Variants in ACOXL observed in about 807,000 individuals in gnomAD.
ACOXL encodes the protein acyl-CoA oxidase like, also known as acyl-coenzyme A oxidase-like protein.
In ACOXL, 70 loss-of-function variants were observed where a neutral mutation model predicts 71.9. The observed-to-expected ratio is 0.97, with a 90% CI of 0.80 to 1.19. ACOXL has a LOEUF of 1.19. Ranked by LOEUF, ACOXL falls within the 50% of genes most tolerant of loss-of-function variation. The probability of loss-of-function intolerance (pLI) is 0.00; values close to 1 mark genes in which losing one functional copy is unlikely to be tolerated. For missense variants in ACOXL, 703 were observed against 736.3 expected (o/e 0.95, Z 0.52); for synonymous variants, 253 against 281.6 (o/e 0.90, Z 1.02).
chr2:110,734,637 A>T (rs762795696), intron 1 of ACOXL, among the ~76,000 whole-genome samples: 4 of 152,100 alleles, frequency 2.6e-5, no homozygotes, highest in Non-Finnish European at 4.4e-5. Context: ...CTGATTAGAC[A>T]CACATCCCCT....
chr2:110,764,017 GGCC>G (rs1421073564), intron 1 of ACOXL, among the ~76,000 whole-genome samples: 1 of 152,154 alleles, frequency 6.6e-6, no homozygotes, highest in Non-Finnish European at 1.5e-5. Flanking sequence ...CTGTTAGAAT[GGCC>G]AAAATCCAGA....
At chr2:110,954,785 G>A (rs2061438816) in intron 12 of ACOXL, among the ~76,000 whole-genome samples, 1 of 144,248 alleles carries the variant, frequency 6.9e-6, no homozygotes, top group Admixed American at 7.3e-5. Context: ...TCATTTCCTG[G>A]TTTCTGGGGT....
intron 16 of ACOXL, among the ~76,000 whole-genome samples, chr2:111,072,914 C>A (rs1471480240): frequency 6.6e-6 from 1 of 152,194 alleles, no homozygotes; most frequent in East Asian, 1.9e-4. Flanking sequence ...AGCATCCTAG[C>A]TGACACTCAG....
At chr2:110,761,436 G>T (rs1680390215) in intron 1 of ACOXL, among the ~76,000 whole-genome samples, 1 of 152,140 alleles carries the variant, frequency 6.6e-6, no homozygotes, top group South Asian at 2.1e-4. Context: ...AATACCTGAG[G>T]TTATGCTTTC....
chr2:110,902,286 G>A (rs770187438), intron 10 of ACOXL, among the ~76,000 whole-genome samples: 19 of 151,984 alleles, frequency 1.3e-4, no homozygotes, highest in Non-Finnish European at 2.5e-4. Flanking sequence ...CCTGGACAAC[G>A]TGATGAAACC....
At chr2:110,870,682 C>T (rs1290876507) in intron 10 of ACOXL, among the ~76,000 whole-genome samples, 1 of 152,154 alleles carries the variant, frequency 6.6e-6, no homozygotes, top group African/African-American at 2.4e-5. Flanking sequence ...TGGTCACCAC[C>T]CACCCCACAC....
At chr2:110,812,136 A>T (rs981649298) in intron 9 of ACOXL, among the ~76,000 whole-genome samples, 2 of 152,212 alleles carry the variant, frequency 1.3e-5, no homozygotes, top group African/African-American at 4.8e-5. Context: ...CCAAGGTTGT[A>T]AATAGGATGT....
rs373506375 is a variant in ACOXL at position 110,963,094 on chromosome 2, AG to A, written c.1060-24012del. On this transcript the variant is annotated intron_variant, in intron 12 of 17. Coordinates refer to ENST00000439055, the MANE Select transcript of ACOXL (RefSeq NM_001142807.4). ...TTAAATAAGGATTTCAGGAAGTAAA[AG>A]GAAAAAAAAATACTGGAGTGAGAAT... is the stretch of plus-strand genomic sequence containing the variant. 3.0e-4 allele frequency among the ~76,000 whole-genome samples: 45 copies of A among 152,314 alleles called. 1 individual carries two copies. In the East Asian group the frequency reaches 8.5e-3, roughly 29 times the overall value.
intron 10 of ACOXL, among the ~76,000 whole-genome samples, chr2:110,879,929 T>TAAGGTCC (rs1299112139): frequency 6.6e-6 from 1 of 151,712 alleles, no homozygotes; most frequent in African/African-American, 2.4e-5. Context: ...GTGGATCACC[T>TAAGGTCC]AAGGTCAGGA....
At chr2:111,111,351 C>T (rs574285064) in intron 17 of ACOXL, among the ~76,000 whole-genome samples, 7 of 152,260 alleles carry the variant, frequency 4.6e-5, no homozygotes, top group Admixed American at 2.6e-4. Flanking sequence ...CCACCCACCT[C>T]GGCCTCCCAA....
intron 14 of ACOXL, among the ~76,000 whole-genome samples, 155 bp downstream of exon 14, chr2:110,996,159 C>T (rs555078291): frequency 5.3e-5 from 8 of 152,276 alleles, no homozygotes; most frequent in South Asian, 2.1e-4. Flanking sequence ...TGCATGATAC[C>T]GTTGCTTGCT....
chr2:110,900,086 T>TACAC (rs60758688), intron 10 of ACOXL, among the ~76,000 whole-genome samples: 10,884 of 143,034 alleles, frequency 0.076, 419 homozygotes, highest in South Asian at 0.1. Flanking sequence ...CACACACACA[T>TACAC]ACACACACAC....
intron 16 of ACOXL, among the ~76,000 whole-genome samples, chr2:111,052,768 C>T (rs1230171420): frequency 6.6e-6 from 1 of 152,164 alleles, no homozygotes; most frequent in Non-Finnish European, 1.5e-5. Context: ...GCTCCACCTG[C>T]ACTCGCCTGT....
Position 110,841,506 on chromosome 2 carries a change from C to T in ACOXL, c.788+101C>T, listed in dbSNP as rs897953889. On this transcript the variant is annotated intron_variant, in intron 10 of 17. Coordinates refer to ENST00000439055, the MANE Select transcript of ACOXL (RefSeq NM_001142807.4). ...ATTTTGAGCTTTTTTTTGGTGGTTG[C>T]TTTCCTGTGATGTCCGTGTCGCAGA... The T allele has an allele frequency of 5.5e-6, 5 of 915,084 alleles. No homozygotes were observed. The African/African-American group carries it at 6.7e-5, about 12-fold the overall frequency. 56.7% of individuals were successfully genotyped at this position (915,084 alleles called of 1,614,324 possible). A position where few individuals can be genotyped will look rare whatever the true frequency, so the allele number is the denominator to read the frequency against.
chr2:110,872,264 T>C (rs1239664508), intron 10 of ACOXL, among the ~76,000 whole-genome samples: 1 of 152,152 alleles, frequency 6.6e-6, no homozygotes, highest in Non-Finnish European at 1.5e-5. Context: ...TGTTCTGCCT[T>C]CTTTTGGTTA....
At chr2:111,003,678 T>C (rs1383943165) in intron 14 of ACOXL, among the ~76,000 whole-genome samples, 1 of 151,338 alleles carries the variant, frequency 6.6e-6, no homozygotes, top group Non-Finnish European at 1.5e-5. Flanking sequence ...GTTACAAGGA[T>C]GTATTAAGAT....
At chr2:110,964,085 G>A (rs982225639) in intron 12 of ACOXL, among the ~76,000 whole-genome samples, 6 of 152,048 alleles carry the variant, frequency 3.9e-5, no homozygotes, top group Admixed American at 2.6e-4. Context: ...TAGACTATTC[G>A]GCAATACTCT....
At chr2:110,877,093 C>G (rs1275174423) in intron 10 of ACOXL, among the ~76,000 whole-genome samples, 1 of 152,188 alleles carries the variant, frequency 6.6e-6, no homozygotes, top group African/African-American at 2.4e-5. Context: ...CAGTAGGTGA[C>G]AGCTGAATGA....
At chr2:110,811,809 C>T (rs1394851447) in intron 9 of ACOXL, among the ~76,000 whole-genome samples, 1 of 139,024 alleles carries the variant, frequency 7.2e-6, no homozygotes, top group African/African-American at 2.7e-5. Context: ...GAAGCAGGAC[C>T]TACTTGGTTG....
Sources: gnomAD v4.1 joint callset for allele counts (sites outside exome capture counted in the v4.1 genomes callset) on GRCh38, gnomAD v4.1.1 for gene constraint, MANE v1.5 for transcripts, NCBI Gene and HGNC (gene_info 2026-07-23, HGNC 2026-07-21) for gene names.